MAP2: variants seen among roughly 807,000 people sequenced by gnomAD.
MAP2 encodes microtubule associated protein 2, also known as microtubule-associated protein 2.
A neutral mutation model predicts 137.6 loss-of-function variants in MAP2; 14 were observed. The ratio of observed to expected loss-of-function variants is 0.10; its 90% CI spans 0.07 to 0.16. MAP2 has a LOEUF of 0.16. MAP2 is among the 10% of genes least tolerant of loss of function. The probability of loss-of-function intolerance (pLI) is 1.00; values close to 1 mark genes in which losing one functional copy is unlikely to be tolerated. For missense variants in MAP2, 2,088 were observed against 2,191.5 expected (o/e 0.95, Z 0.94); for synonymous variants, 786 against 782.3 (o/e 1.00, Z -0.08).
intron 2 of MAP2, among the ~76,000 whole-genome samples, chr2:209,573,971 T>G (rs2153380156): frequency 6.6e-6 from 1 of 152,332 alleles, no homozygotes; most frequent in Non-Finnish European, 1.5e-5. Flanking sequence ...ACTTTTTTAT[T>G]GCCAAACAAT....
chr2:209,692,954 C>A lies in MAP2; in HGVS notation c.784C>A (p.Gln262Lys), dbSNP rs1285280008. The A allele has an allele frequency of 2.5e-6, 4 of 1,614,012 alleles. No homozygotes were observed. The highest frequency in any genetic ancestry group is 3.4e-6 in the Non-Finnish European group (4 of 1,179,966). Residue 262 changes from glutamine to lysine, a missense_variant, in exon 8 of 16, where the codon CAA (glutamine) becomes AAA (lysine). Physicochemically the swap from Gln to Lys is moderately conservative, Grantham distance 53 (BLOSUM62 1). Transcript: ENST00000682079. Reference protein sequence around the residue: ...LPKEPPTPKEQKDWFIEMPTE... With the variant: ...LPKEPPTPKEKKDWFIEMPTE... ...TAAAGAGCCTCCAACTCCAAAAGAA[C>A]AAAAGGACTGGTTCATCGAAATGCC...
chr2:209,569,874 AT>A (rs1439515714), intron 2 of MAP2, among the ~76,000 whole-genome samples: 2 of 151,838 alleles, frequency 1.3e-5, no homozygotes, highest in African/African-American at 4.8e-5. Flanking sequence ...ATAGGAGTTA[AT>A]TTCAACAAGA....
intron 3 of MAP2, among the ~76,000 whole-genome samples, chr2:209,602,124 G>A (rs1360211966): frequency 6.6e-6 from 1 of 152,128 alleles, no homozygotes; most frequent in Non-Finnish European, 1.5e-5. Context: ...GTTTGGAAAG[G>A]AAATCGACCA....
At chr2:209,447,622 G>C (rs890945248) in intron 1 of MAP2, among the ~76,000 whole-genome samples, 1 of 152,028 alleles carries the variant, frequency 6.6e-6, no homozygotes, top group African/African-American at 2.4e-5. Flanking sequence ...GGGTAGTCAT[G>C]ATGAGGGTAT....
chr2:209,685,508 C>T (rs2056685578), intron 7 of MAP2, among the ~76,000 whole-genome samples: 4 of 152,160 alleles, frequency 2.6e-5, no homozygotes, highest in South Asian at 4.2e-4. Flanking sequence ...GAGCTTGTAA[C>T]GTAGATGGAC....
chr2:209,706,179 C>T (rs1480899992), intron 12 of MAP2, among the ~76,000 whole-genome samples: 1 of 151,952 alleles, frequency 6.6e-6, no homozygotes, highest in Non-Finnish European at 1.5e-5. Flanking sequence ...ATTTGCATTC[C>T]AAATGAGCTA....
chr2:209,538,100 C>T (rs1021432464), intron 2 of MAP2, among the ~76,000 whole-genome samples: 1 of 152,162 alleles, frequency 6.6e-6, no homozygotes, highest in African/African-American at 2.4e-5. Flanking sequence ...CCATCTTTGG[C>T]TGTGTCTTCA....
chr2:209,674,832 T>A (rs1431710493), intron 5 of MAP2, among the ~76,000 whole-genome samples: 1 of 151,816 alleles, frequency 6.6e-6, no homozygotes. Flanking sequence ...TTACACACAC[T>A]CTGACTGAAT....
At chr2:209,611,374 G>A (rs915108527) in intron 3 of MAP2, among the ~76,000 whole-genome samples, 1 of 151,938 alleles carries the variant, frequency 6.6e-6, no homozygotes, top group Non-Finnish European at 1.5e-5. Flanking sequence ...AGGTAACATA[G>A]TAAATAACAA....
chr2:209,696,890 A>G, intron 9 of MAP2, 27 bp from the exon 10 acceptor site: 1 of 1,581,056 alleles, frequency 6.3e-7, no homozygotes. Context: ...TCCTGATGGT[A>G]TGCTTTTTGT....
chr2:209,632,201 C>T (rs1444995799), intron 4 of MAP2, among the ~76,000 whole-genome samples: 1 of 152,094 alleles, frequency 6.6e-6, no homozygotes, highest in Non-Finnish European at 1.5e-5. Context: ...GGAAAAGAAA[C>T]CTGTAGCTGA....
At chr2:209,559,822 A>G (rs1468931259) in intron 2 of MAP2, among the ~76,000 whole-genome samples, 2 of 151,074 alleles carry the variant, frequency 1.3e-5, no homozygotes, top group South Asian at 2.1e-4. Flanking sequence ...GGAGTCAGCC[A>G]CATTTTTTTT....
chr2:209,624,594 T>A (rs1027692684), intron 3 of MAP2, among the ~76,000 whole-genome samples: 3 of 152,136 alleles, frequency 2.0e-5, no homozygotes, highest in African/African-American at 7.2e-5. Context: ...AATGAGTTGT[T>A]AAAAAATTCC....
intron 2 of MAP2, among the ~76,000 whole-genome samples, chr2:209,534,683 A>G (rs984413701): frequency 6.6e-6 from 1 of 152,214 alleles, no homozygotes; most frequent in African/African-American, 2.4e-5. Flanking sequence ...TTTTATTCAC[A>G]TAGAACATAG....
At chr2:209,571,364 A>G (rs1009231822) in intron 2 of MAP2, among the ~76,000 whole-genome samples, 1 of 152,002 alleles carries the variant, frequency 6.6e-6, no homozygotes, top group African/African-American at 2.4e-5. Flanking sequence ...CTCTCATACT[A>G]CTTTCTACAG....
chr2:209,578,300 A>C (rs1020286402), intron 2 of MAP2, among the ~76,000 whole-genome samples: 24 of 152,180 alleles, frequency 1.6e-4, no homozygotes, highest in Non-Finnish European at 2.2e-4. Flanking sequence ...TTGAATATTT[A>C]TGAAAGCAAA....
At chr2:209,430,891 T>TA (rs1255606921) in intron 1 of MAP2, among the ~76,000 whole-genome samples, 2 of 152,154 alleles carry the variant, frequency 1.3e-5, no homozygotes, top group Non-Finnish European at 2.9e-5. Flanking sequence ...GTGACTATGA[T>TA]CTAGGACTTA....
chr2:209,601,751 A>G (rs1404545295), intron 3 of MAP2, among the ~76,000 whole-genome samples: 2 of 152,080 alleles, frequency 1.3e-5, no homozygotes, highest in Admixed American at 6.6e-5. Flanking sequence ...TTGGCAGTGT[A>G]TTTTTCTGTG....
At chr2:209,555,409 A>T (rs372611697) in intron 2 of MAP2, among the ~76,000 whole-genome samples, 2 of 152,186 alleles carry the variant, frequency 1.3e-5, no homozygotes, top group African/African-American at 4.8e-5. Flanking sequence ...GTTTTAATGG[A>T]GGCCGAGAGT....
Sources: allele counts gnomAD v4.1 joint callset (sites outside exome capture counted in the v4.1 genomes callset), GRCh38; gene constraint gnomAD v4.1.1; transcripts MANE v1.5; gene names NCBI Gene and HGNC (gene_info 2026-07-23, HGNC 2026-07-21).